Variants in EVC observed in about 807,000 individuals in gnomAD.
EVC encodes the protein evC complex member EVC.
In EVC, 116 loss-of-function variants were observed where a neutral mutation model predicts 118.9. That is an observed-to-expected ratio of 0.98 (90% confidence interval 0.84 to 1.14). EVC has a LOEUF of 1.14. Among genes scored for constraint, EVC ranks in the 50% most tolerant of loss-of-function variants. The probability of loss-of-function intolerance (pLI) is 0.00; values close to 1 mark genes in which losing one functional copy is unlikely to be tolerated. For missense variants in EVC, 1,401 were observed against 1,246.4 expected, an observed-to-expected ratio of 1.12 and a Z score of -1.87; for synonymous variants, 619 against 534.7, an observed-to-expected ratio of 1.16 and a Z score of -2.18.
Position 5,797,411 on chromosome 4 carries a change from A to T in EVC, c.2097+179A>T, listed in dbSNP as rs534900637. ...ACAGACCGGGCAGCTTACACTGCAC[A>T]CATTTCCCTGCTCACCATCCTGGAG... is the stretch of plus-strand genomic sequence containing the variant. On this transcript the variant is annotated intron_variant, in intron 14 of 20. Transcript: ENST00000264956. 195 of 638,612 alleles carry T rather than the reference A, an allele frequency of 3.1e-4. 1 individual carries two copies. The Middle Eastern group carries it at 5.0e-3, about 16-fold the overall frequency. 39.6% of individuals were successfully genotyped at this position (638,612 alleles called of 1,614,324 possible). A position where few individuals can be genotyped will look rare whatever the true frequency, so the allele number is the denominator to read the frequency against.
downstream of EVC, among the ~76,000 whole-genome samples, chr4:5,816,719 C>T (rs944848530): frequency 7.0e-6 from 1 of 141,912 alleles, no homozygotes; most frequent in African/African-American, 2.6e-5. Flanking sequence ...CTCCCTCTCT[C>T]CCTCCATCAT....
At chr4:5,825,746 G>T in the EVC span, 2 of 1,388,540 alleles carry the variant, frequency 1.4e-6, no homozygotes, top group Middle Eastern at 3.6e-4. The surrounding 1 kb of genome is among the most constrained non-coding windows in gnomAD (Gnocchi z 4.4). Flanking sequence ...GCGGGCGAGA[G>T]AGAAACCTGA....
rs1341787807 is a variant in EVC at position 5,813,727 on chromosome 4, T to G, written c.*2690T>G. ...CCCGGCTGCCTCCCCGCCACCGAGC[T>G]TGTAGCCTGAATGCCTGGCTGTCGC... On this transcript the variant is annotated 3_prime_UTR_variant, in exon 21 of 21. Transcript: ENST00000264956. 2 of 152,238 alleles carry G rather than the reference T, an allele frequency of 1.3e-5. No homozygotes were observed. The highest frequency in any genetic ancestry group is 2.9e-5 in the Non-Finnish European group (2 of 68,084). 9.4% of individuals were successfully genotyped at this position (152,238 alleles called of 1,614,324 possible).
rs951582314 is a variant in EVC, at chr4:5,742,227, G to A, written c.801+413G>A. ...AGGGCTTGGAGTCAGACTGGTTGAG[G>A]TTGGTATCCTGGCTTTATCTTTTAC... On this transcript the variant is annotated intron_variant, in intron 6 of 20. Coordinates refer to ENST00000264956, the MANE Select transcript of EVC (RefSeq NM_153717.3). The surrounding 1 kb of genome is among the most constrained non-coding windows in gnomAD (Gnocchi z 5.2). 6.6e-6 allele frequency among the ~76,000 whole-genome samples: 1 copy of A among 152,174 alleles called. No individual in the cohort carries two copies. The highest frequency in any genetic ancestry group is 2.4e-5 in the African/African-American group (1 of 41,442).
downstream of EVC, among the ~76,000 whole-genome samples, chr4:5,819,074 T>A (rs138140007): frequency 5.5e-3 from 832 of 152,266 alleles, 6 homozygotes; most frequent in Non-Finnish European, 7.5e-3. Context: ...ATAAATGGTG[T>A]TGGGTCAATG....
In EVC at chr4:5,810,346, C is replaced by T. The variant is rs747237758; in HGVS notation, c.2790C>T (p.Pro930=). 1.2e-6 allele frequency: 2 copies of T among 1,613,298 alleles called. No individual in the cohort carries two copies. The change falls in exon 20 of 21, where the codon CCC becomes CCT. Residue 930 remains proline (P), a synonymous_variant. Transcript: ENST00000264956. Reference sequence around the variant, plus strand: ...TTCATCTGTCCTCTACAGAGAAGCCCCTAAGGACTAAAAGGAAGAAGCCCC... The same window carrying T: ...TTCATCTGTCCTCTACAGAGAAGCCTCTAAGGACTAAAAGGAAGAAGCCCC... ...LPAKRGLLEK[P]LRTKRKKPLP...
chr4:5,827,565 G>C, the EVC span, among the ~76,000 whole-genome samples: 1 of 152,140 alleles, frequency 6.6e-6, no homozygotes, highest in South Asian at 2.1e-4. Flanking sequence ...GGACCACACA[G>C]GTACACACAT....
chr4:5,809,658 G>T, intron 19 of EVC, 47 bp downstream of exon 19: 1 of 1,539,984 alleles, frequency 6.5e-7, no homozygotes, highest in South Asian at 1.1e-5. Flanking sequence ...TCTGGGCTGA[G>T]AGATACGGAT....
intron 11 of EVC, among the ~76,000 whole-genome samples, chr4:5,774,606 G>A (rs1734452072): frequency 6.6e-6 from 1 of 152,030 alleles, no homozygotes; most frequent in African/African-American, 2.4e-5. Context: ...ACCTGGGGAG[G>A]GCAGGTGGTG....
intron 11 of EVC, among the ~76,000 whole-genome samples, chr4:5,773,240 T>C (rs1214266891): frequency 3.3e-5 from 5 of 152,186 alleles, no homozygotes; most frequent in Non-Finnish European, 7.3e-5. Flanking sequence ...ATCACAGTCA[T>C]GCTGTGTAAC....
intron 8 of EVC, 121 bp downstream of exon 8, chr4:5,748,427 GGA>G (rs1560329747): frequency 9.5e-7 from 1 of 1,050,402 alleles, no homozygotes; most frequent in Non-Finnish European, 1.4e-6. Context: ...AGAGCCTCAG[GGA>G]AAAAAAAACC....
chr4:5,748,479 TCCATCCATCCAC>T (rs998662787), intron 8 of EVC, among the ~76,000 whole-genome samples, 173 bp downstream of exon 8: 1 of 152,102 alleles, frequency 6.6e-6, no homozygotes, highest in Non-Finnish European at 1.5e-5. Flanking sequence ...TATTTATTTA[TCCATCCATCCAC>T]CCATCCATCC....
chr4:5,820,708 T>TATCA, the EVC span: 1 of 152,146 alleles, frequency 6.6e-6, no homozygotes, highest in African/African-American at 2.4e-5. Flanking sequence ...CACCATTCGT[T>TATCA]ATCACGCGGG....
At chr4:5,825,313 T>C in the EVC span, 1 of 985,160 alleles carries the variant, frequency 1.0e-6, no homozygotes, top group East Asian at 1.1e-4. This position sits in a 1 kb window ranked among gnomAD's most constrained non-coding sequence, Gnocchi z 4.4. Flanking sequence ...CCCCCTCTGC[T>C]TGGTGACCAT....
In EVC at chr4:5,808,338, C is replaced by A; in HGVS notation, c.2688+11C>A. 6.2e-7 allele frequency: 1 copy of A among 1,614,176 alleles called. No homozygotes were observed. Among genetic ancestry groups the A allele is most frequent in the Admixed American group, 1.7e-5 (1 of 60,016 alleles). On this transcript the variant is annotated intron_variant, in intron 18 of 20. Coordinates refer to ENST00000264956, the MANE Select transcript of EVC (RefSeq NM_153717.3). ...GAGACCCAGCTACAGGTACAAGTTA[C>A]AGAACTGGACCTTCCAAAAGCAGTG...
rs779502940 is a variant in EVC at position 5,731,398 on chromosome 4, T to A, written c.385-27T>A. On this transcript the variant is annotated intron_variant, in intron 3 of 20. Transcript: ENST00000264956. This position sits in a 1 kb window ranked among gnomAD's most constrained non-coding sequence, Gnocchi z 5.6. ...CAAATCCCAGAGGCATCACATGGAC[T>A]GAGTGTGACTCCTACTGCCACCCCA... 1.9e-6 allele frequency: 3 copies of A among 1,542,768 alleles called. No homozygotes were observed. Among genetic ancestry groups the A allele is most frequent in the Admixed American group, 1.7e-5 (1 of 59,854 alleles).
At position 5,793,136 on chromosome 4, in the gene EVC, T is replaced by G. The variant is rs77384066; in HGVS notation, c.1777-472T>G. On this transcript the variant is annotated intron_variant, in intron 12 of 20. Coordinates refer to ENST00000264956, the MANE Select transcript of EVC (RefSeq NM_153717.3). Reference sequence around the variant, plus strand: ...GCAGGACCTACCCTCGCTGCATTGATATTTAATTGCTACATTAGTAAGCAT... The same window carrying G: ...GCAGGACCTACCCTCGCTGCATTGAGATTTAATTGCTACATTAGTAAGCAT... 8.8e-3 allele frequency among the ~76,000 whole-genome samples: 1,347 copies of G among 152,264 alleles called. 22 individuals carry two copies. Among genetic ancestry groups the G allele is most frequent in the African/African-American group, 0.028 (1,176 of 41,542 alleles).
intron 11 of EVC, among the ~76,000 whole-genome samples, chr4:5,782,323 C>T (rs1735720646): frequency 2.0e-5 from 3 of 151,700 alleles, no homozygotes; most frequent in African/African-American, 7.3e-5. Context: ...GATCTACCCA[C>T]CTCAGCCTCC....
At chr4:5,794,279 TTATATATATTTTTATA>T (rs1560419542) in intron 13 of EVC, among the ~76,000 whole-genome samples, 3 of 137,756 alleles carry the variant, frequency 2.2e-5, no homozygotes, top group Non-Finnish European at 4.7e-5. Context: ...TTATATATAT[TTATATATATTTTTATA>T]TATTTATATT....
Sources: allele counts gnomAD v4.1 joint callset (sites outside exome capture counted in the v4.1 genomes callset), GRCh38; gene constraint gnomAD v4.1.1; non-coding constraint Gnocchi (gnomAD v3.1); transcripts MANE v1.5; gene names NCBI Gene and HGNC (gene_info 2026-07-23, HGNC 2026-07-21).